Variants in CARMIL1 observed in about 807,000 individuals in gnomAD.
CARMIL1 encodes the protein capping protein regulator and myosin 1 linker 1.
Under a neutral mutation model 177.1 loss-of-function variants are expected in CARMIL1, and 90 were observed. That is an observed-to-expected ratio of 0.51 (90% CI 0.43 to 0.61). The LOEUF (loss-of-function observed/expected upper bound fraction) is 0.61. CARMIL1 is among the 20% of genes least tolerant of loss of function. The pLI, the probability that CARMIL1 is intolerant of heterozygous loss-of-function variation, is 0.00. For missense variants in CARMIL1, 1,380 were observed against 1,667.0 expected, an observed-to-expected ratio of 0.83 and a Z score of 3.00; for synonymous variants, 577 against 606.2, an observed-to-expected ratio of 0.95 and a Z score of 0.71.
intron 2 of CARMIL1, among the ~76,000 whole-genome samples, chr6:25,303,050 G>T (rs1396222206): frequency 1.3e-5 from 2 of 151,798 alleles, no homozygotes; most frequent in African/African-American, 4.8e-5. Flanking sequence ...TTCTGTTTGC[G>T]AAGGCTTGGT....
At chr6:25,297,483 G>T (rs183668229) in intron 2 of CARMIL1, among the ~76,000 whole-genome samples, 142 of 152,312 alleles carry the variant, frequency 9.3e-4, no homozygotes, top group African/African-American at 3.2e-3. Flanking sequence ...AGTGGTCTCT[G>T]TGGAGAACAT....
At chr6:25,585,937 T>C (rs1015165855) in intron 31 of CARMIL1, among the ~76,000 whole-genome samples, 2 of 152,214 alleles carry the variant, frequency 1.3e-5, no homozygotes, top group African/African-American at 4.8e-5. Flanking sequence ...GAGTCTCCTA[T>C]GTCTACTTCT....
intron 24 of CARMIL1, among the ~76,000 whole-genome samples, chr6:25,536,775 C>G (rs1029428751): frequency 6.6e-6 from 1 of 152,168 alleles, no homozygotes; most frequent in East Asian, 1.9e-4. Flanking sequence ...GAAGGGCAGA[C>G]TTTAGCTTCC....
Position 25,491,729 on chromosome 6 carries a change from A to T in CARMIL1, c.1066-3A>T. 1 of 1,567,312 alleles carries T rather than the reference A, an allele frequency of 6.4e-7. No homozygotes were observed. Among genetic ancestry groups the T allele is most frequent in the Non-Finnish European group, 8.7e-7 (1 of 1,149,930 alleles). ...TAACATTTATCTTTTATTTTTTTTC[A>T]AGCACATGTATAATTTTTTGGCCCA... is the stretch of plus-strand genomic sequence containing the variant. On this transcript the variant is annotated splice_polypyrimidine_tract_variant and splice_region_variant and intron_variant, in intron 13 of 36. Coordinates refer to ENST00000329474, the MANE Select transcript of CARMIL1 (RefSeq NM_017640.6).
intron 2 of CARMIL1, among the ~76,000 whole-genome samples, chr6:25,354,330 A>ATTTTT (rs67395838): frequency 3.7e-5 from 3 of 80,562 alleles, no homozygotes; most frequent in Admixed American, 1.6e-4. Context: ...GACTAATTAA[A>ATTTTT]TTTTTTTTTT....
intron 2 of CARMIL1, among the ~76,000 whole-genome samples, chr6:25,374,712 A>G (rs1256342398): frequency 1.3e-5 from 2 of 152,276 alleles, no homozygotes; most frequent in Non-Finnish European, 2.9e-5. Context: ...ACTTAGGTGC[A>G]TGTATATCTA....
At chr6:25,288,974 T>G (rs1781736778) in intron 2 of CARMIL1, among the ~76,000 whole-genome samples, 1 of 152,242 alleles carries the variant, frequency 6.6e-6, no homozygotes, top group Non-Finnish European at 1.5e-5. Flanking sequence ...CATTGTAAAT[T>G]TCTAAGAATT....
chr6:25,480,005 A>G (rs1801939468), intron 11 of CARMIL1, among the ~76,000 whole-genome samples: 1 of 152,156 alleles, frequency 6.6e-6, no homozygotes, highest in Non-Finnish European at 1.5e-5. Context: ...GTGGTAACAG[A>G]GAACATACAA....
At chr6:25,297,790 G>T (rs184035567) in intron 2 of CARMIL1, among the ~76,000 whole-genome samples, 81 of 152,304 alleles carry the variant, frequency 5.3e-4, no homozygotes, top group Admixed American at 3.1e-3. Flanking sequence ...TCATGCTCAC[G>T]TCGTTTTTTC....
At chr6:25,575,711 GCCTGAT>G (rs1174403709) in intron 29 of CARMIL1, among the ~76,000 whole-genome samples, 1 of 152,146 alleles carries the variant, frequency 6.6e-6, no homozygotes, top group African/African-American at 2.4e-5. Context: ...GAAGTAAATT[GCCTGAT>G]CAAGTATGAA....
intron 2 of CARMIL1, among the ~76,000 whole-genome samples, chr6:25,363,235 A>G (rs189834084): frequency 6.6e-5 from 10 of 152,284 alleles, no homozygotes; most frequent in African/African-American, 2.4e-4. Context: ...GAAGTTGGAT[A>G]GGGATTTTCT....
At chr6:25,443,764 A>T (rs978731447) in intron 5 of CARMIL1, among the ~76,000 whole-genome samples, 6 of 151,494 alleles carry the variant, frequency 4.0e-5, no homozygotes, top group African/African-American at 1.5e-4. Flanking sequence ...TGCTGTGACT[A>T]TCAGGGTGGT....
chr6:25,573,707 C>T (rs1812325138), intron 29 of CARMIL1, among the ~76,000 whole-genome samples: 1 of 151,620 alleles, frequency 6.6e-6, no homozygotes, highest in Non-Finnish European at 1.5e-5. Context: ...CCCAGTCTGT[C>T]CAGTTCTGAC....
chr6:25,368,167 G>A (rs929079069), intron 2 of CARMIL1, among the ~76,000 whole-genome samples: 1 of 152,172 alleles, frequency 6.6e-6, no homozygotes, highest in African/African-American at 2.4e-5. Context: ...AGAGAACCCT[G>A]ATCCTTACTG....
chr6:25,311,506 C>G (rs973154060), intron 2 of CARMIL1, among the ~76,000 whole-genome samples: 4 of 151,878 alleles, frequency 2.6e-5, no homozygotes, highest in Non-Finnish European at 4.4e-5. Context: ...TTTGGAAGCT[C>G]TAGGTCTTGC....
rs1210319970 is a variant in CARMIL1 at position 25,279,847 on chromosome 6, G to A, written c.40+12G>A. On this transcript the variant is annotated intron_variant, in intron 1 of 36. Coordinates refer to ENST00000329474, the MANE Select transcript of CARMIL1 (RefSeq NM_017640.6). ...CAGGGAGTTGATAGGTAAGATTCACGCGGTTGTTGGTTTTCCACCTTCCTC... is the reference window on the plus strand; with the variant it reads ...CAGGGAGTTGATAGGTAAGATTCACACGGTTGTTGGTTTTCCACCTTCCTC... 6.2e-7 allele frequency: 1 copy of A among 1,613,928 alleles called. No individual in the cohort carries two copies.
chr6:25,583,310 G>C (rs1002716721), intron 31 of CARMIL1, among the ~76,000 whole-genome samples: 9 of 152,212 alleles, frequency 5.9e-5, no homozygotes, highest in African/African-American at 2.2e-4. Context: ...CTCACAGGCT[G>C]GTTGTGCACA....
chr6:25,551,342 A>T (rs1810084957), intron 27 of CARMIL1, among the ~76,000 whole-genome samples: 1 of 152,296 alleles, frequency 6.6e-6, no homozygotes. Flanking sequence ...TATATTTAAG[A>T]GAGGGTACAT....
rs962325052 is a variant in CARMIL1 at position 25,288,048 on chromosome 6, G to A, written c.138+3139G>A. 3.9e-5 allele frequency among the ~76,000 whole-genome samples: 6 copies of A among 152,328 alleles called. No individual in the cohort carries two copies. The East Asian group carries it at 9.6e-4, about 24-fold the overall frequency. On this transcript the variant is annotated intron_variant, in intron 2 of 36. Coordinates refer to ENST00000329474, the MANE Select transcript of CARMIL1 (RefSeq NM_017640.6). ...CAGGCAGTGGTTTCAGATGTGCTAT[G>A]AGTGGATGAATCGGGGCTTCAGGAG...
Sources: allele counts gnomAD v4.1 joint callset (sites outside exome capture counted in the v4.1 genomes callset), GRCh38; gene constraint gnomAD v4.1.1; transcripts MANE v1.5; gene names NCBI Gene and HGNC (gene_info 2026-07-23, HGNC 2026-07-21).